The following MAP3K20 variants were observed in gnomAD, a reference collection of about 807,000 sequenced individuals.
MAP3K20 encodes mitogen-activated protein kinase kinase kinase 20, also known as HCCS-4.
MAP3K20 carries 40 observed loss-of-function variants against 85.7 expected under a neutral mutation model. The observed-to-expected ratio is 0.47, with a 90% confidence interval of 0.36 to 0.61. MAP3K20 has a LOEUF of 0.61. Ranked by LOEUF, MAP3K20 falls within the 20% of genes least tolerant of loss-of-function variation. The probability of loss-of-function intolerance (pLI) is 0.00; values close to 1 mark genes in which losing one functional copy is unlikely to be tolerated. For missense variants in MAP3K20, 817 were observed against 961.7 expected (o/e 0.85, Z 1.99); for synonymous variants, 325 against 327.7 (o/e 0.99, Z 0.09).
intron 18 of MAP3K20, 150 bp from the exon 19 acceptor site, chr2:173,263,595 C>T: frequency 1.4e-6 from 1 of 730,870 alleles, no homozygotes; most frequent in Non-Finnish European, 2.1e-6. Context: ...GAATATTTTC[C>T]TAGTGCATTA....
intron 2 of MAP3K20, among the ~76,000 whole-genome samples, chr2:173,130,106 A>G (rs555532868): frequency 6.6e-6 from 1 of 152,368 alleles, no homozygotes; most frequent in East Asian, 1.9e-4. Context: ...CTCAGAATAT[A>G]TCCTAAGGTT....
At chr2:173,104,412 A>G (rs1334691158) in intron 2 of MAP3K20, among the ~76,000 whole-genome samples, 2 of 152,210 alleles carry the variant, frequency 1.3e-5, no homozygotes, top group Non-Finnish European at 2.9e-5. Flanking sequence ...GGTTTTGGGA[A>G]ACAAGGAAAG....
At chr2:173,123,031 C>T (rs1329524012) in intron 2 of MAP3K20, among the ~76,000 whole-genome samples, 2 of 152,194 alleles carry the variant, frequency 1.3e-5, no homozygotes, top group African/African-American at 4.8e-5. Flanking sequence ...GTCTCTGGTC[C>T]TTTTCAGGAG....
chr2:173,170,845 C>A (rs959867018), intron 3 of MAP3K20, among the ~76,000 whole-genome samples: 4 of 152,100 alleles, frequency 2.6e-5, no homozygotes, highest in Admixed American at 1.3e-4. Flanking sequence ...GTGGTAGAAC[C>A]AAAGCGGTAT....
At chr2:173,119,172 C>G (rs1305320924) in intron 2 of MAP3K20, among the ~76,000 whole-genome samples, 5 of 152,248 alleles carry the variant, frequency 3.3e-5, no homozygotes, top group Non-Finnish European at 7.3e-5. Context: ...GGGCCCCACT[C>G]AGGCTGGAAA....
intron 2 of MAP3K20, among the ~76,000 whole-genome samples, chr2:173,126,994 A>G (rs1386227552): frequency 1.3e-5 from 2 of 152,224 alleles, no homozygotes; most frequent in South Asian, 2.1e-4. Flanking sequence ...CCAAACCACA[A>G]TCCCATCTGA....
At chr2:173,249,492 T>C (rs1355770981) in intron 16 of MAP3K20, among the ~76,000 whole-genome samples, 3 of 152,232 alleles carry the variant, frequency 2.0e-5, no homozygotes, top group Admixed American at 1.3e-4. Context: ...TAGTGTTTCT[T>C]TGAAAATCAT....
chr2:173,163,763 A>G lies in MAP3K20; in HGVS notation c.160-6042A>G, dbSNP rs564895432. Among the ~76,000 whole-genome samples the G allele has an allele frequency of 5.9e-5, 9 of 152,274 alleles. No individual in the cohort carries two copies. The South Asian group carries it at 1.7e-3, about 28-fold the overall frequency. ...TATATTCCCTTGGGTTTCCCCCATTATATTCCATTACCCAGTAATGGAATG... is the reference window on the plus strand; with the variant it reads ...TATATTCCCTTGGGTTTCCCCCATTGTATTCCATTACCCAGTAATGGAATG... On this transcript the variant is annotated intron_variant, in intron 2 of 19. Transcript: ENST00000375213.
chr2:173,101,340 T>C (rs888249094), intron 2 of MAP3K20, among the ~76,000 whole-genome samples: 3 of 152,232 alleles, frequency 2.0e-5, no homozygotes, highest in Non-Finnish European at 4.4e-5. Context: ...CTTTGTTAGA[T>C]AATATATTTA....
chr2:173,232,821 A>T (rs114239010), intron 14 of MAP3K20, among the ~76,000 whole-genome samples: 1,558 of 152,274 alleles, frequency 0.01, 20 homozygotes, highest in African/African-American at 0.035. Context: ...ACAAATCTTT[A>T]TTGAGCACCT....
chr2:173,122,675 G>T (rs754508363), intron 2 of MAP3K20, among the ~76,000 whole-genome samples: 1 of 152,096 alleles, frequency 6.6e-6, no homozygotes, highest in Non-Finnish European at 1.5e-5. Flanking sequence ...TGTTGTTGTT[G>T]TTATATAGAT....
At chr2:173,101,427 T>C (rs1339777885) in intron 2 of MAP3K20, among the ~76,000 whole-genome samples, 1 of 152,240 alleles carries the variant, frequency 6.6e-6, no homozygotes, top group Non-Finnish European at 1.5e-5. Context: ...ATTAAAGTAT[T>C]ATTGATCTCA....
chr2:173,201,133 C>A (rs763973682), intron 8 of MAP3K20, among the ~76,000 whole-genome samples: 1 of 152,152 alleles, frequency 6.6e-6, no homozygotes, highest in Non-Finnish European at 1.5e-5. Context: ...AAAATCAATA[C>A]TTTCTAAAAA....
At chr2:173,154,527 C>T (rs933368550) in intron 2 of MAP3K20, among the ~76,000 whole-genome samples, 2 of 152,146 alleles carry the variant, frequency 1.3e-5, no homozygotes, top group African/African-American at 4.8e-5. Flanking sequence ...CATTACCTCC[C>T]AACTTCCCTA....
At chr2:173,085,979 A>G (rs919935847) in intron 1 of MAP3K20, among the ~76,000 whole-genome samples, 1 of 151,624 alleles carries the variant, frequency 6.6e-6, no homozygotes, top group Non-Finnish European at 1.5e-5. Context: ...CATTTTTAGT[A>G]GAGATGGGGT....
chr2:173,075,654 C>A, upstream of MAP3K20: 4 of 865,612 alleles, frequency 4.6e-6, no homozygotes, highest in Non-Finnish European at 5.6e-6. Flanking sequence ...CACGGCCCTC[C>A]CCCCACAGCA....
At chr2:173,154,107 T>C (rs1689386231) in intron 2 of MAP3K20, among the ~76,000 whole-genome samples, 2 of 151,940 alleles carry the variant, frequency 1.3e-5, no homozygotes, top group Admixed American at 1.3e-4. Context: ...ACCCTATCAC[T>C]ACACCACATT....
In MAP3K20 at chr2:173,266,458, C is replaced by T; in HGVS notation, c.2111C>T (p.Thr704Ile). The T allele has an allele frequency of 6.2e-7, 1 of 1,614,184 alleles. No individual in the cohort carries two copies. The highest frequency in any genetic ancestry group is 1.1e-5 in the South Asian group (1 of 91,082). ...GRYSGKSQHS[T>I]PSRGRYPGKF... is the part of the protein sequence containing the mutation. ...TACAGTGGAAAGAGTCAGCATTCCA[C>T]TCCTTCAAGAGGAAGATACCCTGGA... is the stretch of plus-strand genomic sequence containing the variant. Residue 704 changes from threonine to isoleucine, a missense_variant, in exon 20 of 20, where the codon ACT becomes ATT. By Grantham distance (89) the Thr-to-Ile change is moderately conservative. Around this residue, in one of 4 missense-constraint regions of MAP3K20, gnomAD observed 454 missense variants for 476.9 expected, o/e 0.95. Coordinates refer to ENST00000375213, the MANE Select transcript of MAP3K20 (RefSeq NM_016653.3).
intron 2 of MAP3K20, among the ~76,000 whole-genome samples, chr2:173,137,941 G>A (rs999583464): frequency 1.3e-5 from 2 of 152,076 alleles, no homozygotes; most frequent in Non-Finnish European, 2.9e-5. Context: ...TATTTGAAAA[G>A]ACACGTAGAT....
Sources: allele counts gnomAD v4.1 joint callset (sites outside exome capture counted in the v4.1 genomes callset), GRCh38; gene constraint gnomAD v4.1.1; regional missense constraint gnomAD v4.1.1; transcripts MANE v1.5; gene names NCBI Gene and HGNC (gene_info 2026-07-23, HGNC 2026-07-21).